Variants in EEA1 observed in about 807,000 individuals in gnomAD.
EEA1 encodes the protein early endosome antigen 1.
In EEA1, 111 loss-of-function variants were observed where a neutral mutation model predicts 209.2. That is an observed-to-expected ratio of 0.53 (90% CI 0.45 to 0.62). The LOEUF is 0.62. EEA1 is among the 20% of genes least tolerant of loss of function. The pLI is 0.00. For missense variants in EEA1, 1,343 were observed against 1,530.8 expected, an observed-to-expected ratio of 0.88 and a Z score of 2.05; for synonymous variants, 536 against 540.6, an observed-to-expected ratio of 0.99 and a Z score of 0.12.
chr12:92,896,086 G>C (rs1329974698), intron 1 of EEA1, among the ~76,000 whole-genome samples: 3 of 151,642 alleles, frequency 2.0e-5, no homozygotes, highest in Non-Finnish European at 2.9e-5. Flanking sequence ...CGATTCTCCT[G>C]CCTCAGCCTC....
At chr12:92,879,785 A>G (rs545620924) in intron 2 of EEA1, among the ~76,000 whole-genome samples, 1 of 152,342 alleles carries the variant, frequency 6.6e-6, no homozygotes, top group South Asian at 2.1e-4. Context: ...TGAAAGTGGG[A>G]GGGCCTCAAA....
rs148032877 is a variant in EEA1, at chr12:92,850,055, C to G, written c.798+1056G>C. Among the ~76,000 whole-genome samples, 962 of 152,162 alleles carry G rather than the reference C, an allele frequency of 6.3e-3. 10 individuals are homozygous for G. The highest frequency in any genetic ancestry group is 0.022 in the African/African-American group (907 of 41,510). On this transcript the variant is annotated intron_variant, in intron 9 of 28. Transcript: ENST00000322349. ...CATATTATACAAGGGATTTACAGGCCAAAGTCATGTCATGTAAGAAATAGT... is the reference window on the plus strand; with the variant it reads ...CATATTATACAAGGGATTTACAGGCGAAAGTCATGTCATGTAAGAAATAGT...
intron 9 of EEA1, among the ~76,000 whole-genome samples, chr12:92,844,290 C>T (rs1317242308): frequency 1.3e-5 from 2 of 152,058 alleles, no homozygotes; most frequent in African/African-American, 4.8e-5. Flanking sequence ...TTCAAAAATG[C>T]TTTTAGGAAT....
intron 10 of EEA1, among the ~76,000 whole-genome samples, chr12:92,837,940 G>A (rs1315035003): frequency 6.6e-6 from 1 of 152,126 alleles, no homozygotes; most frequent in Non-Finnish European, 1.5e-5. Flanking sequence ...AAAGACATGG[G>A]GTAAGGAGGG....
intron 23 of EEA1, 144 bp downstream of exon 23, chr12:92,781,806 C>T: frequency 1.7e-6 from 1 of 603,342 alleles, no homozygotes; most frequent in Non-Finnish European, 2.6e-6. Flanking sequence ...TCCCAATGAT[C>T]AAAAGTGTCA....
At chr12:92,776,797 T>C in intron 28 of EEA1, 47 bp downstream of exon 28, 1 of 1,523,712 alleles carries the variant, frequency 6.6e-7, no homozygotes, top group Non-Finnish European at 9.1e-7. Context: ...TAATTATCAG[T>C]GACAAATGAA....
intron 22 of EEA1, 28 bp downstream of exon 22, chr12:92,787,839 C>T (rs1874199194): frequency 2.1e-6 from 3 of 1,440,506 alleles, no homozygotes. Context: ...CTTACTGAGA[C>T]TTTATGGTAC....
intron 6 of EEA1, among the ~76,000 whole-genome samples, chr12:92,853,513 T>C (rs1362264638): frequency 6.6e-6 from 1 of 152,156 alleles, no homozygotes; most frequent in Non-Finnish European, 1.5e-5. Flanking sequence ...CTGATAAAAT[T>C]AGTTATAAAG....
intron 1 of EEA1, among the ~76,000 whole-genome samples, chr12:92,913,281 T>A (rs1565861826): frequency 6.6e-6 from 1 of 152,242 alleles, no homozygotes; most frequent in Admixed American, 6.5e-5. Flanking sequence ...ATTTTTAATT[T>A]GCATTTCTCT....
intron 18 of EEA1, among the ~76,000 whole-genome samples, chr12:92,806,829 G>GT (rs1875231382): frequency 6.6e-6 from 1 of 152,054 alleles, no homozygotes; most frequent in African/African-American, 2.4e-5. Context: ...ATCAATCAAT[G>GT]TAACTGACCA....
At chr12:92,879,283 G>T in intron 2 of EEA1, 1 of 416,830 alleles carries the variant, frequency 2.4e-6, no homozygotes, top group Admixed American at 2.7e-5. Context: ...TCCAAAATCT[G>T]AAATGAACAT....
chr12:92,867,340 T>C (rs190580619), intron 2 of EEA1, among the ~76,000 whole-genome samples: 1 of 152,320 alleles, frequency 6.6e-6, no homozygotes, highest in African/African-American at 2.4e-5. Flanking sequence ...ACACAGCATA[T>C]TGGATTTTTT....
chr12:92,902,463 C>T (rs2136766706), intron 1 of EEA1, among the ~76,000 whole-genome samples: 1 of 152,272 alleles, frequency 6.6e-6, no homozygotes, highest in East Asian at 1.9e-4. Context: ...GTAAATCCGG[C>T]CGGGTGCGAT....
intron 9 of EEA1, among the ~76,000 whole-genome samples, chr12:92,850,294 T>C (rs753571348): frequency 6.6e-6 from 1 of 152,180 alleles, no homozygotes; most frequent in East Asian, 1.9e-4. Flanking sequence ...CTAGCAAGGA[T>C]TGTGGATCAC....
At chr12:92,827,591 C>T (rs1876376862) in intron 12 of EEA1, among the ~76,000 whole-genome samples, 1 of 152,132 alleles carries the variant, frequency 6.6e-6, no homozygotes, top group African/African-American at 2.4e-5. Flanking sequence ...TCTTTACCAA[C>T]AATTCATAGT....
chr12:92,927,721 T>C (rs1881261913), intron 1 of EEA1, among the ~76,000 whole-genome samples: 2 of 152,178 alleles, frequency 1.3e-5, no homozygotes, highest in African/African-American at 4.8e-5. Context: ...TGAAAGTAAA[T>C]CATGCACAGA....
chr12:92,853,042 C>A lies in EEA1; in HGVS notation c.407-17G>T, dbSNP rs765173195. 5.3e-6 allele frequency: 8 copies of A among 1,500,982 alleles called. No homozygotes were observed. Among genetic ancestry groups the A allele is most frequent in the Middle Eastern group, 1.9e-4 (1 of 5,332 alleles). The allele number at this position is 1,500,982 out of a possible 1,614,324, so 93.0% of individuals were successfully genotyped here. ...ACTGTAGTTCTACAAAAAAGTGTCG[C>A]AGTTATTCAAATACCATGTTAATTA... On this transcript the variant is annotated splice_polypyrimidine_tract_variant and intron_variant, in intron 6 of 28. Coordinates refer to ENST00000322349, the MANE Select transcript of EEA1 (RefSeq NM_003566.4).
Position 92,809,086 on chromosome 12 carries a change from C to T in EEA1, c.2270G>A (p.Arg757Lys). The change falls in exon 18 of 29, where the codon AGA becomes AAA. Residue 757 changes from arginine to lysine, a missense_variant. Arg to Lys is a conservative substitution (Grantham distance 26). Around this residue, in one of 3 missense-constraint regions of EEA1, gnomAD observed 1,307 missense variants for 1,465.5 expected, o/e 0.89. Coordinates refer to ENST00000322349, the MANE Select transcript of EEA1 (RefSeq NM_003566.4). The part of the protein sequence containing the change: ...EQALQDLQQQ[R>K]QLNTDLELRA... Reference sequence around the variant, plus strand: ...GAGCTCTAAATCTGTGTTCAGCTGTCTTTGCTGTTGTAGATCTTGCAAAGC... The same window carrying T: ...GAGCTCTAAATCTGTGTTCAGCTGTTTTTGCTGTTGTAGATCTTGCAAAGC... The T allele has an allele frequency of 1.2e-6, 2 of 1,608,580 alleles. No individual in the cohort carries two copies. The highest frequency in any genetic ancestry group is 1.7e-6 in the Non-Finnish European group (2 of 1,177,130).
intron 8 of EEA1, among the ~76,000 whole-genome samples, chr12:92,851,887 A>C (rs1877646115): frequency 6.6e-6 from 1 of 152,156 alleles, no homozygotes; most frequent in African/African-American, 2.4e-5. Flanking sequence ...ACAAACATGC[A>C]AGAGAAGACC....
Sources: allele counts gnomAD v4.1 joint callset (sites outside exome capture counted in the v4.1 genomes callset), GRCh38; gene constraint gnomAD v4.1.1; regional missense constraint gnomAD v4.1.1; transcripts MANE v1.5; gene names NCBI Gene and HGNC (gene_info 2026-07-23, HGNC 2026-07-21).